TET1: variants seen among roughly 807,000 people sequenced by gnomAD.
TET1 encodes methylcytosine dioxygenase TET1.
Under a neutral mutation model 148.7 loss-of-function variants are expected in TET1, and 13 were observed. That is an observed-to-expected ratio of 0.09 (90% CI 0.06 to 0.14). TET1 has a LOEUF of 0.14. Ranked by LOEUF, TET1 falls within the 10% of genes least tolerant of loss-of-function variation. The pLI is 1.00. For synonymous variants in TET1, 907 were observed against 937.2 expected, an observed-to-expected ratio of 0.97 and a Z score of 0.59; for missense variants, 2,182 against 2,553.8, an observed-to-expected ratio of 0.85 and a Z score of 3.14.
chr10:68,608,562 TCTTGG>T (rs2054160282), intron 3 of TET1, among the ~76,000 whole-genome samples: 1 of 151,864 alleles, frequency 6.6e-6, no homozygotes, highest in Non-Finnish European at 1.5e-5. Flanking sequence ...TGAGATGGAG[TCTTGG>T]TTTGTCACCC....
chr10:68,601,040 C>A lies in TET1; in HGVS notation c.1968+6C>A. The A allele has an allele frequency of 6.3e-7, 1 of 1,597,660 alleles. No homozygotes were observed. The highest frequency in any genetic ancestry group is 1.2e-5 in the South Asian group (1 of 86,748). On this transcript the variant is annotated splice_donor_region_variant and intron_variant, in intron 3 of 11. Coordinates refer to ENST00000373644, the MANE Select transcript of TET1 (RefSeq NM_030625.3). ...AGAAGCCCAAAGTTTTAAAGGTAAT[C>A]AGCTGTTGATTAAATAATATTTCAT...
chr10:68,604,123 C>T (rs140566140), intron 3 of TET1, among the ~76,000 whole-genome samples: 8 of 152,266 alleles, frequency 5.3e-5, no homozygotes, highest in African/African-American at 1.4e-4. Flanking sequence ...CCTTCAATCA[C>T]GAACTTAGCC....
chr10:68,673,947 T>TC (rs1564504780), intron 8 of TET1, among the ~76,000 whole-genome samples: 1 of 113,200 alleles, frequency 8.8e-6, no homozygotes, highest in African/African-American at 3.0e-5. Flanking sequence ...TTTTTTTTTT[T>TC]CTTTTTCTTT....
chr10:68,585,460 TA>T (rs2053850609), intron 2 of TET1, among the ~76,000 whole-genome samples: 1 of 152,126 alleles, frequency 6.6e-6, no homozygotes, highest in Non-Finnish European at 1.5e-5. Flanking sequence ...AATTTGATCC[TA>T]GTTTAAATGA....
chr10:68,565,864 C>T (rs374988548), intron 1 of TET1, among the ~76,000 whole-genome samples: 24 of 152,242 alleles, frequency 1.6e-4, no homozygotes, highest in African/African-American at 5.3e-4. Context: ...GGGTGGCACC[C>T]AGTGGTTTTC....
Position 68,645,370 on chromosome 10 carries a change from A to G in TET1, c.2641A>G (p.Met881Val), listed in dbSNP as rs764721765. Residue 881 changes from methionine (M) to valine (V), a missense_variant, in exon 4 of 12, where the codon ATG (methionine) becomes GTG (valine). This residue lies in a region of TET1 where 582 missense variants were observed against 599.5 expected (regional missense o/e 0.97). Transcript: ENST00000373644. The stretch of plus-strand genomic sequence containing the variant: ...CGTTCAACCAAGTCTCTTATCGTTA[A>G]TGAAAGATAGGAGATTAACATTGGA... The part of the protein sequence containing the change: ...SPVQPSLLSL[M>V]KDRRLTLEQV... 2.0e-5 allele frequency: 33 copies of G among 1,614,166 alleles called. No homozygotes were observed. The highest frequency in any genetic ancestry group is 2.6e-5 in the Non-Finnish European group (31 of 1,180,042).
At chr10:68,643,927 CAG>C (rs137855529) in intron 3 of TET1, among the ~76,000 whole-genome samples, 8,080 of 151,764 alleles carry the variant, frequency 0.053, 695 homozygotes, top group African/African-American at 0.18. Context: ...TTTTTTGAGA[CAG>C]AGTCTCACTC....
chr10:68,681,983 A>C (rs2055440704), intron 9 of TET1, among the ~76,000 whole-genome samples: 1 of 151,726 alleles, frequency 6.6e-6, no homozygotes, highest in Non-Finnish European at 1.5e-5. Flanking sequence ...AAAAAACAAA[A>C]AAAACCAGTC....
chr10:68,610,779 C>T (rs2054197372), intron 3 of TET1, among the ~76,000 whole-genome samples: 1 of 151,928 alleles, frequency 6.6e-6, no homozygotes. Flanking sequence ...CTTCAGCCTC[C>T]CAAATAGCTG....
intron 3 of TET1, among the ~76,000 whole-genome samples, chr10:68,611,940 A>G (rs1395996409): frequency 6.6e-6 from 1 of 151,834 alleles, no homozygotes; most frequent in African/African-American, 2.4e-5. Context: ...GAAGGGGAAA[A>G]GAAAATAATA....
At chr10:68,598,124 C>T (rs955000555) in intron 2 of TET1, among the ~76,000 whole-genome samples, 1 of 152,232 alleles carries the variant, frequency 6.6e-6, no homozygotes, top group Non-Finnish European at 1.5e-5. Context: ...CGCAGTGGCT[C>T]ACTCCTGTAA....
chr10:68,686,318 C>T (rs766180819), intron 10 of TET1, 38 bp from the exon 11 acceptor site: 46 of 1,520,548 alleles, frequency 3.0e-5, no homozygotes, highest in Admixed American at 7.8e-5. Flanking sequence ...GTGCACGACC[C>T]GTATATCTTT....
chr10:68,634,607 T>C (rs368967829), intron 3 of TET1, among the ~76,000 whole-genome samples: 2 of 152,360 alleles, frequency 1.3e-5, no homozygotes, highest in Admixed American at 6.5e-5. Context: ...TGGTTCTTGA[T>C]ACTGATCTGA....
chr10:68,641,056 A>G (rs909374633), intron 3 of TET1, among the ~76,000 whole-genome samples: 3 of 150,898 alleles, frequency 2.0e-5, no homozygotes, highest in Admixed American at 1.3e-4. Context: ...CTTACTAGAT[A>G]CAACAGGAGT....
rs1419371452 is a variant in TET1 at position 68,572,658 on chromosome 10, G to A, written c.320G>A (p.Arg107Gln). ...LTCNGFTMAL[R>Q]STSLSRRLSQ... ...TGCAATGGGTTTACAATGGCGCTAC[G>A]AAGCACCTCTCTTAGCAGGCGACTC... is the stretch of plus-strand genomic sequence containing the variant. The change falls in exon 2 of 12, where the codon CGA becomes CAA. Residue 107 changes from arginine (R) to glutamine (Q), a missense_variant. By Grantham distance (43) the Arg-to-Gln change is conservative. This residue lies in a region of TET1 where 665 missense variants were observed against 672.4 expected (regional missense o/e 0.99). Transcript: ENST00000373644. 4 of 1,613,970 alleles carry A rather than the reference G, an allele frequency of 2.5e-6. No homozygotes were observed. The highest frequency in any genetic ancestry group is 2.2e-5 in the South Asian group (2 of 91,072).
chr10:68,607,705 G>T (rs939089618), intron 3 of TET1, among the ~76,000 whole-genome samples: 1 of 150,700 alleles, frequency 6.6e-6, no homozygotes, highest in South Asian at 2.1e-4. Flanking sequence ...CTGCACCACT[G>T]CACCTGGCCT....
chr10:68,627,099 C>T (rs532029322), intron 3 of TET1, among the ~76,000 whole-genome samples: 1 of 152,088 alleles, frequency 6.6e-6, no homozygotes, highest in South Asian at 2.1e-4. Context: ...TTGTGAAACC[C>T]CGTCTGTATT....
intron 11 of TET1, 48 bp downstream of exon 11, chr10:68,686,755 A>C (rs1564511652): frequency 6.6e-7 from 1 of 1,519,964 alleles, no homozygotes; most frequent in South Asian, 1.3e-5. Flanking sequence ...TGATGGATAG[A>C]TGTGTTTGGA....
intron 4 of TET1, among the ~76,000 whole-genome samples, chr10:68,651,038 A>G (rs2054924695): frequency 6.6e-6 from 1 of 152,176 alleles, no homozygotes; most frequent in Non-Finnish European, 1.5e-5. Flanking sequence ...CAATAGATTT[A>G]TTGTATACCA....
Sources: allele counts gnomAD v4.1 joint callset (sites outside exome capture counted in the v4.1 genomes callset), GRCh38; gene constraint gnomAD v4.1.1; regional missense constraint gnomAD v4.1.1; transcripts MANE v1.5; gene names NCBI Gene and HGNC (gene_info 2026-07-23, HGNC 2026-07-21).